TMEM161A: variants seen among roughly 807,000 people sequenced by gnomAD.
TMEM161A encodes the protein adaptive response to oxidative stress protein 29.
Under a neutral mutation model 57.1 loss-of-function variants are expected in TMEM161A, and 46 were observed. The observed-to-expected ratio is 0.81, with a 90% confidence interval of 0.64 to 1.03. TMEM161A has a LOEUF of 1.03. Among genes scored for constraint, TMEM161A ranks in the 50% least tolerant of loss-of-function variants. TMEM161A has a pLI of 0.00. For synonymous variants in TMEM161A, 288 were observed against 279.0 expected, an observed-to-expected ratio of 1.03 and a Z score of -0.32; for missense variants, 601 against 621.5, an observed-to-expected ratio of 0.97 and a Z score of 0.35.
chr19:19,128,687 T>G (rs1011243053), intron 6 of TMEM161A, among the ~76,000 whole-genome samples: 3 of 151,788 alleles, frequency 2.0e-5, no homozygotes, highest in African/African-American at 7.3e-5. Flanking sequence ...TACAGGCATG[T>G]GTCACCACGC....
intron 6 of TMEM161A, among the ~76,000 whole-genome samples, chr19:19,128,666 G>A (rs1301287607): frequency 6.6e-6 from 1 of 150,716 alleles, no homozygotes; most frequent in Admixed American, 6.7e-5. Context: ...AGCCATCCAA[G>A]TAGCTGGGAT....
At chr19:19,137,375 T>C (rs980286778) in intron 1 of TMEM161A, among the ~76,000 whole-genome samples, 6 of 151,996 alleles carry the variant, frequency 3.9e-5, no homozygotes, top group African/African-American at 1.4e-4. Flanking sequence ...GAGGGGTGCA[T>C]CTCTCCACCT....
rs1036454202 is a variant in TMEM161A, at chr19:19,132,984, C to T, written c.188+146G>A. ...ACCATCTCCTTGGACTAGGGTCTCC[C>T]GGTTCACCTGTGCCCAGATCAGCGC... On this transcript the variant is annotated intron_variant, in intron 3 of 11. Transcript: ENST00000162044. This position sits in a 1 kb window ranked among gnomAD's most constrained non-coding sequence, Gnocchi z 4.3. The T allele has an allele frequency of 6.3e-5, 49 of 772,304 alleles. No homozygotes were observed. The highest frequency in any genetic ancestry group is 9.5e-5 in the Non-Finnish European group (46 of 485,566). 47.8% of individuals were successfully genotyped at this position (772,304 alleles called of 1,614,324 possible). A position where few individuals can be genotyped will look rare whatever the true frequency, so the allele number is the denominator to read the frequency against.
At chr19:19,130,837 C>T (rs970087606) in intron 5 of TMEM161A, among the ~76,000 whole-genome samples, 2 of 152,104 alleles carry the variant, frequency 1.3e-5, no homozygotes, top group African/African-American at 2.4e-5. Flanking sequence ...GTGGGAGGAT[C>T]GCTTGAGCCC....
intron 6 of TMEM161A, among the ~76,000 whole-genome samples, chr19:19,127,557 C>T (rs373766785): frequency 2.3e-4 from 35 of 152,032 alleles, no homozygotes; most frequent in African/African-American, 7.5e-4. Flanking sequence ...CTCCTGACCT[C>T]GTGATCCGCC....
chr19:19,133,452 G>A (rs1259830673), intron 2 of TMEM161A: 1 of 483,462 alleles, frequency 2.1e-6, no homozygotes, highest in Non-Finnish European at 3.7e-6. Flanking sequence ...GGGGAAGCCA[G>A]TGTGTGCAAC....
chr19:19,125,514 CTTTTTTTTTTT>C (rs1187202482), intron 6 of TMEM161A, among the ~76,000 whole-genome samples: 3 of 115,992 alleles, frequency 2.6e-5, no homozygotes, highest in Admixed American at 1.8e-4. Flanking sequence ...CCTTGCCCAG[CTTTTTTTTTTT>C]TTTTTTTTTT....
At chr19:19,138,339 C>A in intron 1 of TMEM161A, 87 bp downstream of exon 1, 1 of 1,543,654 alleles carries the variant, frequency 6.5e-7, no homozygotes, top group Middle Eastern at 1.7e-4. Flanking sequence ...AGAAGAAACC[C>A]CAATCCATTC....
At chr19:19,130,484 G>T in intron 5 of TMEM161A, 177 bp from the exon 6 acceptor site, 1 of 714,650 alleles carries the variant, frequency 1.4e-6, no homozygotes, top group Non-Finnish European at 2.3e-6. Context: ...GATGTGGGCT[G>T]GGGGTTCCCG....
At position 19,132,759 on chromosome 19, in the gene TMEM161A, G is replaced by T. The variant is rs576781974; in HGVS notation, c.189-5C>A. The T allele has an allele frequency of 9.2e-6, 14 of 1,529,732 alleles. No individual in the cohort carries two copies. Among genetic ancestry groups the T allele is most frequent in the Non-Finnish European group, 1.2e-5 (14 of 1,138,382 alleles). 94.8% of individuals were successfully genotyped at this position (1,529,732 alleles called of 1,614,324 possible). On this transcript the variant is annotated splice_region_variant and splice_polypyrimidine_tract_variant and intron_variant, in intron 3 of 11. Transcript: ENST00000162044. This position sits in a 1 kb window ranked among gnomAD's most constrained non-coding sequence, Gnocchi z 4.3. ...TCACTAAGGCCATTGGCCCACCTGG[G>T]AGGATGGTGACAAGCAAGAGGGACG...
chr19:19,126,250 A>G (rs1339578471), intron 6 of TMEM161A, among the ~76,000 whole-genome samples: 4 of 152,174 alleles, frequency 2.6e-5, no homozygotes, highest in African/African-American at 7.2e-5. Flanking sequence ...AAAATAATCA[A>G]CTTCCATTCA....
chr19:19,127,588 C>T (rs113940434), intron 6 of TMEM161A, among the ~76,000 whole-genome samples: 10,874 of 152,024 alleles, frequency 0.072, 442 homozygotes, highest in Middle Eastern at 0.15. Flanking sequence ...TCCCAAAATG[C>T]TGGGATTACA....
chr19:19,138,337 C>A, intron 1 of TMEM161A, 89 bp downstream of exon 1: 1 of 1,540,844 alleles, frequency 6.5e-7, no homozygotes, highest in Non-Finnish European at 8.8e-7. Flanking sequence ...CAAGAAGAAA[C>A]CCCAATCCAT....
intron 5 of TMEM161A, among the ~76,000 whole-genome samples, chr19:19,130,729 G>A (rs1292140459): frequency 6.6e-6 from 1 of 151,754 alleles, no homozygotes; most frequent in Non-Finnish European, 1.5e-5. Flanking sequence ...TTGAGCCCAG[G>A]AGTTCAAGAG....
intron 6 of TMEM161A, among the ~76,000 whole-genome samples, chr19:19,127,975 C>A (rs895056445): frequency 1.3e-5 from 2 of 152,050 alleles, no homozygotes; most frequent in Non-Finnish European, 2.9e-5. Context: ...CCTGCTACAA[C>A]ATGGATATGC....
chr19:19,132,425 A>G lies in TMEM161A; in HGVS notation c.370T>C (p.Tyr124His). The change falls in exon 5 of 12, where the codon TAC (tyrosine) becomes CAC (histidine). Residue 124 changes from tyrosine (Y) to histidine (H), a missense_variant. Tyr to His is a moderately conservative substitution (Grantham distance 83, BLOSUM62 2). Coordinates refer to ENST00000162044, the MANE Select transcript of TMEM161A (RefSeq NM_017814.3). This position sits in a 1 kb window ranked among gnomAD's most constrained non-coding sequence, Gnocchi z 4.3. ...GGVYLFTEAY[Y>H]YMLGPAKETN... ...TCCTTGGCTGGTCCCAGCATGTAGT[A>G]GTAGGCCTCTGTGAAGAGGTACACG... The G allele has an allele frequency of 1.2e-6, 2 of 1,614,192 alleles. No individual in the cohort carries two copies. The highest frequency in any genetic ancestry group is 1.7e-6 in the Non-Finnish European group (2 of 1,180,036).
chr19:19,130,634 G>A (rs2059954095), intron 5 of TMEM161A: 3 of 306,212 alleles, frequency 9.8e-6, no homozygotes, highest in Non-Finnish European at 1.3e-5. Context: ...TCTCCAATCT[G>A]CTGTCAAAAT....
chr19:19,133,771 C>A (rs910958444), intron 2 of TMEM161A, among the ~76,000 whole-genome samples: 1 of 152,046 alleles, frequency 6.6e-6, no homozygotes, highest in African/African-American at 2.4e-5. Flanking sequence ...CTCGCCCGGC[C>A]TTTGTTTTTT....
intron 6 of TMEM161A, among the ~76,000 whole-genome samples, chr19:19,125,188 C>A (rs1386784686): frequency 6.6e-6 from 1 of 151,952 alleles, no homozygotes; most frequent in African/African-American, 2.4e-5. Context: ...AAAAGAAAAC[C>A]AAAAAGAATC....
Sources: allele counts gnomAD v4.1 joint callset (sites outside exome capture counted in the v4.1 genomes callset), GRCh38; gene constraint gnomAD v4.1.1; non-coding constraint Gnocchi (gnomAD v3.1); transcripts MANE v1.5; gene names NCBI Gene and HGNC (gene_info 2026-07-23, HGNC 2026-07-21).